NXPH1: variants seen among roughly 807,000 people sequenced by gnomAD.
The protein encoded by NXPH1 is neurexophilin-1.
In NXPH1, 5 loss-of-function variants were observed where a neutral mutation model predicts 23.7. The ratio of observed to expected loss-of-function variants is 0.21; its 90% CI spans 0.11 to 0.44. The LOEUF (loss-of-function observed/expected upper bound fraction) is 0.44. Ranked by LOEUF, NXPH1 falls within the 20% of genes least tolerant of loss-of-function variation. The pLI, the probability that NXPH1 is intolerant of heterozygous loss-of-function variation, is 0.99. For missense variants in NXPH1, 324 were observed against 321.6 expected (o/e 1.01, Z -0.06); for synonymous variants, 144 against 122.2 (o/e 1.18, Z -1.18).
At chr7:8,738,894 C>T (rs1056650610) in intron 2 of NXPH1, among the ~76,000 whole-genome samples, 1 of 152,164 alleles carries the variant, frequency 6.6e-6, no homozygotes, top group East Asian at 1.9e-4. Flanking sequence ...TCACCCAATC[C>T]GAACTTCCCC....
intron 2 of NXPH1, among the ~76,000 whole-genome samples, chr7:8,696,097 T>A (rs567001259): frequency 2.0e-5 from 3 of 152,346 alleles, no homozygotes; most frequent in Admixed American, 6.5e-5. Flanking sequence ...AAATATATTG[T>A]CTAAAATACT....
chr7:8,616,329 C>A (rs1216381144), intron 2 of NXPH1, among the ~76,000 whole-genome samples: 2 of 152,042 alleles, frequency 1.3e-5, no homozygotes, highest in Non-Finnish European at 2.9e-5. Flanking sequence ...GAGCTCTTCC[C>A]TGATGACCCT....
intron 2 of NXPH1, among the ~76,000 whole-genome samples, chr7:8,735,426 T>C (rs1228993549): frequency 6.6e-6 from 1 of 152,238 alleles, no homozygotes; most frequent in African/African-American, 2.4e-5. Flanking sequence ...TATGTTTATG[T>C]ACTGTATTAT....
chr7:8,528,434 G>A (rs1817899703), intron 2 of NXPH1, among the ~76,000 whole-genome samples: 1 of 152,224 alleles, frequency 6.6e-6, no homozygotes, highest in African/African-American at 2.4e-5. Context: ...CCGACAGATT[G>A]CATCCCACAA....
chr7:8,608,964 G>T (rs1314004573), intron 2 of NXPH1, among the ~76,000 whole-genome samples: 1 of 152,002 alleles, frequency 6.6e-6, no homozygotes, highest in Non-Finnish European at 1.5e-5. Context: ...TCATTGATAG[G>T]TTCTTGGAAA....
Position 8,442,276 on chromosome 7 carries a change from G to GT in NXPH1, c.54+6512dup, listed in dbSNP as rs1024376599. 7.9e-5 allele frequency among the ~76,000 whole-genome samples: 12 copies of GT among 152,228 alleles called. No homozygotes were observed. The highest frequency in any genetic ancestry group is 1.8e-4 in the Non-Finnish European group (12 of 68,032). Reference sequence around the variant, plus strand: ...AGAACCGGGAGGCTTTTCTTGTACTGTTTCTTTCTCCCACAATAAGACAAA... The same window carrying GT: ...AGAACCGGGAGGCTTTTCTTGTACTGTTTTCTTTCTCCCACAATAAGACAAA... On this transcript the variant is annotated intron_variant, in intron 2 of 2. Transcript: ENST00000405863. This position sits in a 1 kb window ranked among gnomAD's most constrained non-coding sequence, Gnocchi z 4.6.
At chr7:8,470,208 C>G (rs1816850343) in intron 2 of NXPH1, among the ~76,000 whole-genome samples, 1 of 152,094 alleles carries the variant, frequency 6.6e-6, no homozygotes, top group Non-Finnish European at 1.5e-5. Context: ...CCCATTTACA[C>G]TGTACTTTTA....
intron 2 of NXPH1, among the ~76,000 whole-genome samples, chr7:8,622,695 A>G (rs1278487898): frequency 6.6e-6 from 1 of 152,248 alleles, no homozygotes; most frequent in East Asian, 1.9e-4. Flanking sequence ...TTTATTGAAT[A>G]CCAATTTATT....
In NXPH1 at chr7:8,681,068, G is replaced by A. The variant is rs143869766; in HGVS notation, c.55-69940G>A. Among the ~76,000 whole-genome samples, 607 of 152,314 alleles carry A rather than the reference G, an allele frequency of 4.0e-3. 2 individuals carry two copies. The highest frequency in any genetic ancestry group is 0.014 in the African/African-American group (582 of 41,576). On this transcript the variant is annotated intron_variant, in intron 2 of 2. Transcript: ENST00000405863. ...GTAACAGAGCCAGCGCTAATGTCCG[G>A]TACAGTGCTCCTCTCCTAGACTTTG...
chr7:8,516,502 A>G (rs1405132950), intron 2 of NXPH1, among the ~76,000 whole-genome samples: 2 of 152,264 alleles, frequency 1.3e-5, no homozygotes, highest in East Asian at 3.9e-4. Flanking sequence ...ATGAAATGTC[A>G]TTTGAAAGTC....
chr7:8,598,115 G>A (rs1006665393), intron 2 of NXPH1, among the ~76,000 whole-genome samples: 2 of 152,074 alleles, frequency 1.3e-5, no homozygotes, highest in Non-Finnish European at 1.5e-5. Context: ...CTCATATATA[G>A]AGCATATGTC....
At chr7:8,447,896 C>A in intron 2 of NXPH1, among the ~76,000 whole-genome samples, 1 of 152,144 alleles carries the variant, frequency 6.6e-6, no homozygotes, top group East Asian at 1.9e-4. Flanking sequence ...TTCCCAAAGA[C>A]CATCATCAAA....
chr7:8,635,743 C>A (rs1820209248), intron 2 of NXPH1, among the ~76,000 whole-genome samples: 1 of 152,164 alleles, frequency 6.6e-6, no homozygotes. Context: ...TTCTTGGAAG[C>A]ATTTACGTCT....
intron 2 of NXPH1, among the ~76,000 whole-genome samples, chr7:8,525,377 A>T (rs1563335832): frequency 6.6e-6 from 1 of 152,332 alleles, no homozygotes; most frequent in African/African-American, 2.4e-5. Context: ...AGCAAGAATA[A>T]AAGTTTGGAG....
rs139262494 is a variant in NXPH1 at position 8,728,777 on chromosome 7, C to G, written c.55-22231C>G. ...TGAGGATTTTTGCATCAATATTCATCAAGGATATTGGTCTACAATTCTCTT... is the reference window on the plus strand; with the variant it reads ...TGAGGATTTTTGCATCAATATTCATGAAGGATATTGGTCTACAATTCTCTT... On this transcript the variant is annotated intron_variant, in intron 2 of 2. Coordinates refer to ENST00000405863, the MANE Select transcript of NXPH1 (RefSeq NM_152745.3). 8.9e-3 allele frequency among the ~76,000 whole-genome samples: 1,356 copies of G among 152,338 alleles called. 18 individuals are homozygous for G. The highest frequency in any genetic ancestry group is 0.03 in the African/African-American group (1,244 of 41,560).
At chr7:8,724,556 A>G (rs1209203185) in intron 2 of NXPH1, among the ~76,000 whole-genome samples, 2 of 151,952 alleles carry the variant, frequency 1.3e-5, no homozygotes, top group Admixed American at 6.6e-5. Context: ...TTTTCATCCA[A>G]CCTCTCTATT....
chr7:8,505,536 AG>A (rs1162442564), intron 2 of NXPH1, among the ~76,000 whole-genome samples: 1 of 152,086 alleles, frequency 6.6e-6, no homozygotes, highest in African/African-American at 2.4e-5. Context: ...AAGCAATAAA[AG>A]AAAAACAGTC....
intron 2 of NXPH1, among the ~76,000 whole-genome samples, chr7:8,449,297 G>A (rs1816462883): frequency 1.3e-5 from 2 of 152,158 alleles, no homozygotes; most frequent in South Asian, 4.1e-4. Flanking sequence ...CCAAGGCATT[G>A]CCCTGGGTAT....
intron 2 of NXPH1, among the ~76,000 whole-genome samples, chr7:8,744,032 G>GT (rs1366566802): frequency 3.3e-5 from 5 of 152,128 alleles, no homozygotes; most frequent in Non-Finnish European, 5.9e-5. Context: ...TCCAATGGTG[G>GT]TTTTTTCTCT....
Sources: allele counts gnomAD v4.1 joint callset (sites outside exome capture counted in the v4.1 genomes callset), GRCh38; gene constraint gnomAD v4.1.1; non-coding constraint Gnocchi (gnomAD v3.1); transcripts MANE v1.5; gene names NCBI Gene and HGNC (gene_info 2026-07-23, HGNC 2026-07-21).